EIF4E3: variants seen among roughly 807,000 people sequenced by gnomAD.
EIF4E3 encodes the protein eukaryotic translation initiation factor 4E type 3.
A neutral mutation model predicts 31.7 loss-of-function variants in EIF4E3; 26 were observed. The observed-to-expected ratio is 0.82, with a 90% CI of 0.60 to 1.14. The LOEUF (loss-of-function observed/expected upper bound fraction) is 1.14, where lower values mean the gene tolerates loss of function less well. Ranked by LOEUF, EIF4E3 falls within the 50% of genes most tolerant of loss-of-function variation. The probability of loss-of-function intolerance (pLI) is 0.00; values close to 1 mark genes in which losing one functional copy is unlikely to be tolerated. For missense variants in EIF4E3, 304 were observed against 270.9 expected, an observed-to-expected ratio of 1.12 and a Z score of -0.86; for synonymous variants, 128 against 107.7, an observed-to-expected ratio of 1.19 and a Z score of -1.17.
chr3:71,672,052 G>A (rs1303042676), downstream of EIF4E3, among the ~76,000 whole-genome samples: 1 of 152,160 alleles, frequency 6.6e-6, no homozygotes, highest in African/African-American at 2.4e-5. Context: ...ACATGAGTGG[G>A]CTGCCGGAGT....
downstream of EIF4E3, among the ~76,000 whole-genome samples, chr3:71,674,430 A>G (rs1162734973): frequency 1.2e-4 from 19 of 152,074 alleles, 1 homozygote; most frequent in Admixed American, 1.2e-3. Flanking sequence ...TTATGTTATG[A>G]TGGCAATAAT....
intron 3 of EIF4E3, among the ~76,000 whole-genome samples, chr3:71,697,212 T>C (rs2049152077): frequency 6.6e-6 from 1 of 151,992 alleles, no homozygotes; most frequent in South Asian, 2.1e-4. Context: ...AGACAGGGTC[T>C]CTCTCACTTT....
rs193037281 is a variant in EIF4E3, at chr3:71,743,039, C to T, written c.-291+10424G>A. Among the ~76,000 whole-genome samples, 33 of 152,228 alleles carry T rather than the reference C, an allele frequency of 2.2e-4. No individual in the cohort carries two copies. In the East Asian group the frequency reaches 2.5e-3, roughly 12 times the overall value. On this transcript the variant is annotated intron_variant, in intron 1 of 7. Coordinates refer to the EIF4E3 transcript ENST00000295612. ...CTATAAAAATCCATAGCTAACATCA[C>T]GCTTAATGGTGAAAAACTGAATGCT...
At chr3:71,729,357 C>T (rs1329782599), upstream of EIF4E3, among the ~76,000 whole-genome samples, 1 of 152,174 alleles carries the variant, frequency 6.6e-6, no homozygotes, top group African/African-American at 2.4e-5. Flanking sequence ...ACATTCCCTC[C>T]ATTGATGGCC....
chr3:71,696,447 A>C lies in EIF4E3; in HGVS notation c.405+13T>G. On this transcript the variant is annotated intron_variant, in intron 4 of 6. Coordinates refer to ENST00000425534, the MANE Select transcript of EIF4E3 (RefSeq NM_001134651.2). ...GCCTCGCCGGTTCTAGAAGAGGATC[A>C]GTAGGAACCTACCGTGCTGTCCTTG... is the stretch of plus-strand genomic sequence containing the variant. The C allele has an allele frequency of 6.2e-7, 1 of 1,614,092 alleles. No individual in the cohort carries two copies. The highest frequency in any genetic ancestry group is 8.5e-7 in the Non-Finnish European group (1 of 1,179,972).
At position 71,677,531 on chromosome 3, in the gene EIF4E3, A is replaced by T. The variant is rs746055274; in HGVS notation, c.*7151T>A. On this transcript the variant is annotated 3_prime_UTR_variant, in exon 7 of 7. Coordinates refer to ENST00000425534, the MANE Select transcript of EIF4E3 (RefSeq NM_001134651.2). ...AAAGTGCATCAATAACGACTAGATG[A>T]TAAAGTACACACAGAATGCATGGTG... 1 of 152,232 alleles carries T rather than the reference A, an allele frequency of 6.6e-6. No homozygotes were observed. Among genetic ancestry groups the T allele is most frequent in the African/African-American group, 2.4e-5 (1 of 41,464 alleles). 9.4% of individuals were successfully genotyped at this position (152,232 alleles called of 1,614,324 possible). A position where few individuals can be genotyped will look rare whatever the true frequency, so the allele number is the denominator to read the frequency against.
intron 3 of EIF4E3, 67 bp from the exon 4 acceptor site, chr3:71,696,587 A>T (rs1437228091): frequency 1.3e-6 from 2 of 1,550,990 alleles, no homozygotes; most frequent in Non-Finnish European, 1.8e-6. Context: ...GTTAGATTAA[A>T]TATCTCTTCA....
chr3:71,733,237 T>C (rs552474359), intron 1 of EIF4E3, among the ~76,000 whole-genome samples: 1 of 152,340 alleles, frequency 6.6e-6, no homozygotes, highest in African/African-American at 2.4e-5. Context: ...GCACTGCCTG[T>C]TCCAGAGGAT....
chr3:71,721,497 T>C (rs575546804), intron 1 of EIF4E3, among the ~76,000 whole-genome samples: 73 of 152,316 alleles, frequency 4.8e-4, no homozygotes, highest in African/African-American at 1.7e-3. Context: ...CATCTTGAAT[T>C]GTGATCTCCA....
upstream of EIF4E3, chr3:71,753,985 G>T: frequency 9.5e-7 from 1 of 1,055,222 alleles, no homozygotes; most frequent in Admixed American, 5.5e-5. Context: ...CGGGCCGGGC[G>T]GCCTGCGGGA....
Position 71,725,233 on chromosome 3 carries a change from GC to G in EIF4E3, c.134del (p.Gly45AlafsTer29). The G allele has an allele frequency of 8.8e-7, 1 of 1,130,088 alleles. No individual in the cohort carries two copies. Among genetic ancestry groups the G allele is most frequent in the Non-Finnish European group, 1.1e-6 (1 of 917,308 alleles). The allele number at this position is 1,130,088 out of a possible 1,614,324, so 70.0% of individuals were successfully genotyped here. A position where few individuals can be genotyped will look rare whatever the true frequency, so the allele number is the denominator to read the frequency against. ...QQLSALQPEP[G>X]GVPLHSSWTF... The stretch of plus-strand genomic sequence containing the variant: ...TCCAGGACGAGTGCAGCGGGACCCC[GC>G]CCGGCTCAGGCTGCAGCGCCGACAG... On this transcript the variant is annotated frameshift_variant, in exon 1 of 7. Transcript: ENST00000425534. LOFTEE classifies it high-confidence loss of function. This position sits in a 1 kb window ranked among gnomAD's most constrained non-coding sequence, Gnocchi z 6.1.
chr3:71,710,894 C>T (rs2049369274), intron 1 of EIF4E3, among the ~76,000 whole-genome samples: 1 of 152,164 alleles, frequency 6.6e-6, no homozygotes, highest in Admixed American at 6.5e-5. Flanking sequence ...TGTTTGCAAA[C>T]TTGTTAGTAA....
chr3:71,754,096 C>A, upstream of EIF4E3: 1 of 1,363,048 alleles, frequency 7.3e-7, no homozygotes, highest in Non-Finnish European at 9.5e-7. The surrounding 1 kb of genome is among the most constrained non-coding windows in gnomAD (Gnocchi z 5.8). Flanking sequence ...GGCGAGGCGG[C>A]CGCCCTGGGC....
At chr3:71,716,303 A>G (rs2049464920) in intron 1 of EIF4E3, among the ~76,000 whole-genome samples, 1 of 151,730 alleles carries the variant, frequency 6.6e-6, no homozygotes, top group African/African-American at 2.4e-5. Context: ...CGCAATCTCG[A>G]CTCACTGCAA....
chr3:71,746,974 T>C (rs997131143), intron 1 of EIF4E3, among the ~76,000 whole-genome samples: 1 of 152,270 alleles, frequency 6.6e-6, no homozygotes, highest in Non-Finnish European at 1.5e-5. Flanking sequence ...CTTGTTATTA[T>C]GAGTGAATAG....
intron 2 of EIF4E3, among the ~76,000 whole-genome samples, chr3:71,707,130 T>A (rs747227422): frequency 6.6e-6 from 1 of 152,228 alleles, no homozygotes; most frequent in Non-Finnish European, 1.5e-5. Context: ...CGAAAAGATA[T>A]CTCAGTAGAA....
At chr3:71,687,563 C>T (rs1162496532) in intron 6 of EIF4E3, among the ~76,000 whole-genome samples, 1 of 152,186 alleles carries the variant, frequency 6.6e-6, no homozygotes, top group Non-Finnish European at 1.5e-5. Flanking sequence ...GCTCCAGCTT[C>T]CTGCTGTAAA....
chr3:71,687,217 G>C (rs909537018), intron 6 of EIF4E3, among the ~76,000 whole-genome samples: 1 of 152,122 alleles, frequency 6.6e-6, no homozygotes, highest in Non-Finnish European at 1.5e-5. Flanking sequence ...GGCCAGGCTG[G>C]TCTTTAACTC....
At chr3:71,704,425 A>G (rs1386822877) in intron 2 of EIF4E3, among the ~76,000 whole-genome samples, 2 of 152,230 alleles carry the variant, frequency 1.3e-5, no homozygotes, top group Non-Finnish European at 2.9e-5. Flanking sequence ...GCTGAGCAAC[A>G]TGGCGGTCAG....
Sources: allele counts gnomAD v4.1 joint callset (sites outside exome capture counted in the v4.1 genomes callset), GRCh38; gene constraint gnomAD v4.1.1; non-coding constraint Gnocchi (gnomAD v3.1); transcripts MANE v1.5; gene names NCBI Gene and HGNC (gene_info 2026-07-23, HGNC 2026-07-21).